Variants in CRTAC1 observed in about 807,000 individuals in gnomAD.
CRTAC1 encodes cartilage acidic protein 1.
A neutral mutation model predicts 67.8 loss-of-function variants in CRTAC1; 37 were observed. The ratio of observed to expected loss-of-function variants is 0.55; its 90% CI spans 0.42 to 0.72. The LOEUF (loss-of-function observed/expected upper bound fraction) is 0.72, where lower values mean the gene tolerates loss of function less well. Ranked by LOEUF, CRTAC1 falls within the 30% of genes least tolerant of loss-of-function variation. The pLI is 0.00. For synonymous variants in CRTAC1, 348 were observed against 371.0 expected (o/e 0.94, Z 0.71); for missense variants, 780 against 931.6 (o/e 0.84, Z 2.12).
intron 1 of CRTAC1, among the ~76,000 whole-genome samples, chr10:98,016,784 T>G (rs1364212341): frequency 6.6e-6 from 1 of 152,118 alleles, no homozygotes; most frequent in Non-Finnish European, 1.5e-5. Flanking sequence ...AGCTGCAATC[T>G]GATTTGAAGT....
chr10:97,874,121 C>G (rs1236765556), intron 14 of CRTAC1, among the ~76,000 whole-genome samples: 1 of 152,226 alleles, frequency 6.6e-6, no homozygotes, highest in African/African-American at 2.4e-5. Context: ...TGAGGAGCAG[C>G]CGGCAACCCG....
intron 8 of CRTAC1, 57 bp downstream of exon 8, chr10:97,901,446 C>G (rs994530882): frequency 6.2e-7 from 1 of 1,609,642 alleles, no homozygotes; most frequent in Admixed American, 1.7e-5. Flanking sequence ...TCTCCCTGAC[C>G]GTTCCTCCCA....
At chr10:98,028,269 T>A (rs1161633995) in intron 1 of CRTAC1, among the ~76,000 whole-genome samples, 1 of 152,230 alleles carries the variant, frequency 6.6e-6, no homozygotes, top group African/African-American at 2.4e-5. Flanking sequence ...GGTTGAAGGC[T>A]GTAGCCTGAG....
At chr10:97,912,984 TG>T (rs2050708947) in intron 5 of CRTAC1, among the ~76,000 whole-genome samples, 1 of 152,198 alleles carries the variant, frequency 6.6e-6, no homozygotes, top group Non-Finnish European at 1.5e-5. Flanking sequence ...CCAGGGAACT[TG>T]GCCATCTGCT....
chr10:97,971,852 G>A (rs1256204883), intron 2 of CRTAC1, among the ~76,000 whole-genome samples: 3 of 152,084 alleles, frequency 2.0e-5, no homozygotes, highest in Non-Finnish European at 2.9e-5. Flanking sequence ...TCTGTTTTGA[G>A]AGCCCCCAGC....
chr10:98,006,885 A>G (rs1329238148), intron 2 of CRTAC1, among the ~76,000 whole-genome samples: 1 of 152,242 alleles, frequency 6.6e-6, no homozygotes, highest in East Asian at 1.9e-4. Flanking sequence ...GCAATTTTTC[A>G]AAATTTCAAC....
chr10:97,922,731 C>T (rs1055688863), intron 4 of CRTAC1, among the ~76,000 whole-genome samples: 16 of 152,188 alleles, frequency 1.1e-4, no homozygotes, highest in Non-Finnish European at 1.8e-4. Flanking sequence ...AGCATGAAAA[C>T]GTTGGAGGAG....
At chr10:97,953,026 A>G (rs916680070) in intron 2 of CRTAC1, among the ~76,000 whole-genome samples, 2 of 152,128 alleles carry the variant, frequency 1.3e-5, no homozygotes, top group African/African-American at 4.8e-5. Context: ...TCTTGAGCCT[A>G]TGCCTCTGCC....
At chr10:97,922,584 C>T (rs1221106660) in intron 4 of CRTAC1, among the ~76,000 whole-genome samples, 5 of 152,202 alleles carry the variant, frequency 3.3e-5, no homozygotes, top group Non-Finnish European at 7.3e-5. Context: ...TCTGGCGAGG[C>T]CTGCTGGGAC....
intron 2 of CRTAC1, among the ~76,000 whole-genome samples, chr10:98,005,392 AC>A (rs1253566896): frequency 1.3e-5 from 2 of 151,252 alleles, no homozygotes; most frequent in Non-Finnish European, 2.9e-5. Context: ...GGCGTGAGCC[AC>A]CATGCCTGGC....
chr10:97,923,142 A>G, intron 4 of CRTAC1, 122 bp downstream of exon 4: 2 of 1,080,092 alleles, frequency 1.9e-6, no homozygotes, highest in Non-Finnish European at 2.7e-6. Context: ...GTTGGTATTT[A>G]GCACCCAATC....
chr10:97,976,245 A>C (rs1201628093), intron 2 of CRTAC1, among the ~76,000 whole-genome samples: 3 of 152,226 alleles, frequency 2.0e-5, no homozygotes, highest in Non-Finnish European at 2.9e-5. Context: ...TTGATCAGTG[A>C]TTTTAAAGTG....
intron 2 of CRTAC1, among the ~76,000 whole-genome samples, chr10:97,941,392 G>A (rs1363478962): frequency 6.6e-6 from 1 of 151,762 alleles, no homozygotes; most frequent in East Asian, 1.9e-4. Context: ...TTTCACTATG[G>A]GATAATGTTC....
chr10:97,878,183 C>T (rs2050168968), intron 14 of CRTAC1, among the ~76,000 whole-genome samples: 1 of 152,230 alleles, frequency 6.6e-6, no homozygotes, highest in Admixed American at 6.5e-5. Context: ...ACCTTGGGCA[C>T]AGTGACCTTG....
chr10:97,967,223 C>G (rs949171555), intron 2 of CRTAC1, among the ~76,000 whole-genome samples: 8 of 152,218 alleles, frequency 5.3e-5, no homozygotes, highest in Non-Finnish European at 1.0e-4. Flanking sequence ...AGGTTATAAT[C>G]CAATACAACT....
rs1389224419 is a variant in CRTAC1, at chr10:97,975,081, C to T, written c.224+36057G>A. Among the ~76,000 whole-genome samples, 2 of 151,934 alleles carry T rather than the reference C, an allele frequency of 1.3e-5. No individual in the cohort carries two copies. The highest frequency in any genetic ancestry group is 2.9e-5 in the Non-Finnish European group (2 of 67,960). ...CGATTCCCGGGTGGCGGTGGAGGGCCGGCCCGGGAGGAGCGGCGGAGGGGC... is the reference window on the plus strand; with the variant it reads ...CGATTCCCGGGTGGCGGTGGAGGGCTGGCCCGGGAGGAGCGGCGGAGGGGC... On this transcript the variant is annotated intron_variant, in intron 2 of 14. Transcript: ENST00000370597. This position sits in a 1 kb window ranked among gnomAD's most constrained non-coding sequence, Gnocchi z 4.8.
Position 97,982,070 on chromosome 10 carries a change from C to A in CRTAC1, c.224+29068G>T, listed in dbSNP as rs78168257. On this transcript the variant is annotated intron_variant, in intron 2 of 14. Transcript: ENST00000370597. ...CATGTACACTTAGCCTCATAAATGG[C>A]TACTTTCACCTCTTGCCAATGGCAA... Among the ~76,000 whole-genome samples, 447 of 152,320 alleles carry A rather than the reference C, an allele frequency of 2.9e-3. 1 individual carries two copies. Among genetic ancestry groups the A allele is most frequent in the African/African-American group, 9.8e-3 (408 of 41,578 alleles).
chr10:98,014,999 T>C (rs1464712344), intron 1 of CRTAC1, among the ~76,000 whole-genome samples: 3 of 152,242 alleles, frequency 2.0e-5, no homozygotes, highest in Non-Finnish European at 4.4e-5. Context: ...TGTATACCCA[T>C]GTTCATAGAA....
chr10:97,970,624 C>G (rs570860625), intron 2 of CRTAC1, among the ~76,000 whole-genome samples: 82 of 152,320 alleles, frequency 5.4e-4, no homozygotes, highest in African/African-American at 1.9e-3. Flanking sequence ...AGAAGCTTTC[C>G]CTGACACTCA....
Sources: allele counts gnomAD v4.1 joint callset (sites outside exome capture counted in the v4.1 genomes callset), GRCh38; gene constraint gnomAD v4.1.1; non-coding constraint Gnocchi (gnomAD v3.1); transcripts MANE v1.5; gene names NCBI Gene and HGNC (gene_info 2026-07-23, HGNC 2026-07-21).